Variants in KCNMA1 observed in about 807,000 individuals in gnomAD.
KCNMA1 encodes the protein potassium calcium-activated channel subfamily M alpha 1.
A neutral mutation model predicts 140.0 loss-of-function variants in KCNMA1; 29 were observed. The ratio of observed to expected loss-of-function variants is 0.21; its 90% confidence interval spans 0.15 to 0.28. The LOEUF is 0.28. KCNMA1 is among the 10% of genes least tolerant of loss of function. The pLI, the probability that KCNMA1 is intolerant of heterozygous loss-of-function variation, is 1.00. For missense variants in KCNMA1, 880 were observed against 1,602.2 expected (o/e 0.55, Z 7.70); for synonymous variants, 612 against 611.9 (o/e 1.00, Z 0.00).
At chr10:77,089,972 C>T (rs1035096053) in intron 10 of KCNMA1, among the ~76,000 whole-genome samples, 6 of 152,158 alleles carry the variant, frequency 3.9e-5, no homozygotes, top group African/African-American at 1.4e-4. Context: ...TTCTGTCCTG[C>T]TTCCTCTTAA....
At chr10:76,896,122 G>T (rs1469780722) in intron 25 of KCNMA1, among the ~76,000 whole-genome samples, 1 of 152,162 alleles carries the variant, frequency 6.6e-6, no homozygotes, top group East Asian at 1.9e-4. Context: ...AAGCCTGGGG[G>T]CGCTGCAGGA....
chr10:77,131,578 G>T (rs567572077), intron 5 of KCNMA1, among the ~76,000 whole-genome samples: 1 of 152,202 alleles, frequency 6.6e-6, no homozygotes, highest in East Asian at 1.9e-4. Flanking sequence ...TGACTAGAAG[G>T]TTGCCAGGAG....
intron 13 of KCNMA1, among the ~76,000 whole-genome samples, chr10:77,074,682 A>C (rs189362589): frequency 6.6e-6 from 1 of 152,350 alleles, no homozygotes; most frequent in East Asian, 1.9e-4. Flanking sequence ...CTAAGGATGT[A>C]ATTTGTCTAC....
At chr10:77,182,080 T>A (rs1244237506) in intron 5 of KCNMA1, among the ~76,000 whole-genome samples, 1 of 152,192 alleles carries the variant, frequency 6.6e-6, no homozygotes, top group Non-Finnish European at 1.5e-5. Flanking sequence ...AGCGGAAGCC[T>A]ATCTTGACAC....
chr10:77,246,675 G>A (rs902098382), intron 3 of KCNMA1, among the ~76,000 whole-genome samples: 1 of 152,136 alleles, frequency 6.6e-6, no homozygotes, highest in African/African-American at 2.4e-5. Flanking sequence ...TTACTGCCTG[G>A]AAAATATTCA....
chr10:77,582,458 T>C (rs760889765), intron 1 of KCNMA1, among the ~76,000 whole-genome samples: 19 of 152,230 alleles, frequency 1.2e-4, no homozygotes, highest in Non-Finnish European at 2.8e-4. Flanking sequence ...CCCTACCTAA[T>C]GCAAGCGGGG....
intron 1 of KCNMA1, among the ~76,000 whole-genome samples, chr10:77,559,186 G>C (rs190080081): frequency 2.0e-5 from 3 of 152,330 alleles, no homozygotes; most frequent in Admixed American, 6.5e-5. Flanking sequence ...ATACGTCCAG[G>C]ACTGAGGCTG....
intron 25 of KCNMA1, chr10:76,904,054 TCTG>T (rs2046760669): frequency 6.6e-6 from 1 of 152,176 alleles, no homozygotes; most frequent in Non-Finnish European, 1.5e-5. Context: ...ACCAAAAAAA[TCTG>T]CTTCTTTGTA....
intron 1 of KCNMA1, chr10:77,634,439 T>C: frequency 1.3e-5 from 13 of 985,458 alleles, no homozygotes; most frequent in Non-Finnish European, 1.3e-5. Flanking sequence ...TGTCCCACGA[T>C]GCATGTCCAC....
At chr10:76,924,705 CA>C (rs1369973313) in intron 23 of KCNMA1, among the ~76,000 whole-genome samples, 2 of 146,984 alleles carry the variant, frequency 1.4e-5, no homozygotes, top group Non-Finnish European at 1.5e-5. Flanking sequence ...GGTTACAAAG[CA>C]AAGGGGCTTT....
intron 18 of KCNMA1, 88 bp downstream of exon 18, chr10:77,011,879 G>T: frequency 8.9e-7 from 1 of 1,119,996 alleles, no homozygotes; most frequent in Non-Finnish European, 1.4e-6. Flanking sequence ...TCGATGTTTA[G>T]TGTTTCTCTA....
chr10:77,362,631 G>A (rs988942842), intron 2 of KCNMA1, among the ~76,000 whole-genome samples: 13 of 151,974 alleles, frequency 8.6e-5, no homozygotes, highest in African/African-American at 1.5e-4. Context: ...CCTGCCTGAC[G>A]TCCTGCCTCA....
chr10:77,146,924 A>G (rs1297442591), intron 5 of KCNMA1, among the ~76,000 whole-genome samples: 1 of 152,034 alleles, frequency 6.6e-6, no homozygotes, highest in Admixed American at 6.6e-5. Flanking sequence ...ATTGAAATAC[A>G]TTTCCTTTTC....
chr10:77,051,228 T>C (rs1424915587), intron 14 of KCNMA1, among the ~76,000 whole-genome samples: 1 of 152,130 alleles, frequency 6.6e-6, no homozygotes, highest in Non-Finnish European at 1.5e-5. Flanking sequence ...GGTACTTATG[T>C]CTCCTATCGC....
intron 3 of KCNMA1, among the ~76,000 whole-genome samples, chr10:77,239,414 T>C (rs1258072798): frequency 6.6e-6 from 1 of 152,168 alleles, no homozygotes; most frequent in Non-Finnish European, 1.5e-5. Flanking sequence ...AAATTCCAGC[T>C]CTCAAATTAC....
chr10:77,158,460 G>A lies in KCNMA1; in HGVS notation c.808+24961C>T, dbSNP rs114286894. On this transcript the variant is annotated intron_variant, in intron 5 of 27. Transcript: ENST00000286628. Reference sequence around the variant, plus strand: ...AGGAGGTCTCTGGACCTGATCACTCGGCCATGGGAGTCTCCTCTCTCTCCC... The same window carrying A: ...AGGAGGTCTCTGGACCTGATCACTCAGCCATGGGAGTCTCCTCTCTCTCCC... Among the ~76,000 whole-genome samples the A allele has an allele frequency of 7.3e-3, 1,108 of 152,184 alleles. 14 individuals are homozygous for A. The highest frequency in any genetic ancestry group is 0.025 in the African/African-American group (1,050 of 41,514).
At chr10:77,398,407 G>C (rs138655674) in intron 2 of KCNMA1, among the ~76,000 whole-genome samples, 1 of 152,202 alleles carries the variant, frequency 6.6e-6, no homozygotes. Flanking sequence ...GCTGTGAGAT[G>C]ATATCTAATT....
At chr10:77,173,836 C>T (rs985319361) in intron 5 of KCNMA1, among the ~76,000 whole-genome samples, 2 of 152,024 alleles carry the variant, frequency 1.3e-5, no homozygotes, top group South Asian at 2.1e-4. Flanking sequence ...TTCCAGGCTT[C>T]GGGCACTGTC....
intron 5 of KCNMA1, among the ~76,000 whole-genome samples, chr10:77,123,179 C>CAAAAAAAAAAAA (rs61374890): frequency 6.7e-5 from 4 of 59,652 alleles, no homozygotes; most frequent in Admixed American, 2.2e-4. Flanking sequence ...GACTCCGTCT[C>CAAAAAAAAAAAA]AAAAAAAAAA....
Sources: gnomAD v4.1 joint callset for allele counts (sites outside exome capture counted in the v4.1 genomes callset) on GRCh38, gnomAD v4.1.1 for gene constraint, MANE v1.5 for transcripts, NCBI Gene and HGNC (gene_info 2026-07-23, HGNC 2026-07-21) for gene names.